HSPA4L: variants seen among roughly 807,000 people sequenced by gnomAD.
The protein encoded by HSPA4L is heat shock protein family A (Hsp70) member 4 like.
HSPA4L carries 48 observed loss-of-function variants against 100.3 expected under a neutral mutation model. The ratio of observed to expected loss-of-function variants is 0.48; its 90% CI spans 0.38 to 0.61. HSPA4L has a LOEUF of 0.61. Ranked by LOEUF, HSPA4L falls within the 20% of genes least tolerant of loss-of-function variation. HSPA4L has a pLI of 0.00. For synonymous variants in HSPA4L, 319 were observed against 328.2 expected, an observed-to-expected ratio of 0.97 and a Z score of 0.30; for missense variants, 886 against 988.6, an observed-to-expected ratio of 0.90 and a Z score of 1.39.
chr4:127,823,144 AT>A (rs913473260), intron 15 of HSPA4L, among the ~76,000 whole-genome samples: 5 of 150,384 alleles, frequency 3.3e-5, no homozygotes, highest in East Asian at 1.9e-4. Context: ...ATGATTTTTA[AT>A]TTTTTTTTTA....
rs1035119829 is a variant in HSPA4L at position 127,836,229 on chromosome 4, T to C, written c.*3355T>C. On this transcript the variant is annotated 3_prime_UTR_variant, in exon 19 of 19. Transcript: ENST00000296464. Reference sequence around the variant, plus strand: ...AAAAATACAAAAAATTAGCTGGGCATGGTGGCGGGCGCCGGTAGTCCCAGC... The same window carrying C: ...AAAAATACAAAAAATTAGCTGGGCACGGTGGCGGGCGCCGGTAGTCCCAGC... 2 of 152,676 alleles carry C rather than the reference T, an allele frequency of 1.3e-5. No homozygotes were observed. The highest frequency in any genetic ancestry group is 2.4e-5 in the African/African-American group (1 of 41,392). The allele number at this position is 152,676 out of a possible 1,614,324, so 9.5% of individuals were successfully genotyped here. A position where few individuals can be genotyped will look rare whatever the true frequency, so the allele number is the denominator to read the frequency against.
Position 127,811,600 on chromosome 4 carries a change from A to G in HSPA4L, c.1542A>G (p.Thr514=), listed in dbSNP as rs766804269. The change falls in exon 12 of 19, where the codon ACA becomes ACG. Residue 514 remains threonine, a synonymous_variant. Coordinates refer to ENST00000296464, the MANE Select transcript of HSPA4L (RefSeq NM_014278.4). ...EGDHSDAPME[T]ETSFKNENKD... ...ATCACAGTGATGCTCCAATGGAGAC[A>G]GAAACTTCATTTAAAAATGAAAACA... 6.2e-7 allele frequency: 1 copy of G among 1,613,720 alleles called. No individual in the cohort carries two copies. The highest frequency in any genetic ancestry group is 1.7e-5 in the Admixed American group (1 of 59,996).
rs1232541738 is a variant in HSPA4L at position 127,835,718 on chromosome 4, A to G, written c.*2844A>G. Reference sequence around the variant, plus strand: ...ACTCCGTCTCAAAAAAAAAACAAAAATTCTTCCAAAAAACTAGAAAGAGCA... The same window carrying G: ...ACTCCGTCTCAAAAAAAAAACAAAAGTTCTTCCAAAAAACTAGAAAGAGCA... On this transcript the variant is annotated 3_prime_UTR_variant, in exon 19 of 19. Coordinates refer to ENST00000296464, the MANE Select transcript of HSPA4L (RefSeq NM_014278.4). The G allele has an allele frequency of 2.6e-5, 4 of 151,684 alleles. No homozygotes were observed. Among genetic ancestry groups the G allele is most frequent in the African/African-American group, 9.7e-5 (4 of 41,242 alleles). 9.4% of individuals were successfully genotyped at this position (151,684 alleles called of 1,614,324 possible). A position where few individuals can be genotyped will look rare whatever the true frequency, so the allele number is the denominator to read the frequency against.
chr4:127,801,278 C>G, intron 5 of HSPA4L, 41 bp downstream of exon 5: 2 of 1,353,084 alleles, frequency 1.5e-6, no homozygotes, highest in Non-Finnish European at 1.0e-6. Flanking sequence ...AAGCAAAATA[C>G]TGTTCTAGTT....
chr4:127,818,061 G>C (rs1040879118), intron 12 of HSPA4L, among the ~76,000 whole-genome samples: 1 of 151,102 alleles, frequency 6.6e-6, no homozygotes. Flanking sequence ...TGTAAATTTG[G>C]CTTGAGAACA....
chr4:127,813,678 T>C (rs1289473520), intron 12 of HSPA4L, among the ~76,000 whole-genome samples: 2 of 152,366 alleles, frequency 1.3e-5, no homozygotes, highest in Admixed American at 1.3e-4. Flanking sequence ...AGTCTCGCTC[T>C]GTTGCCCAGG....
chr4:127,806,110 C>T (rs1227070068), intron 10 of HSPA4L, among the ~76,000 whole-genome samples: 1 of 151,950 alleles, frequency 6.6e-6, no homozygotes, highest in Non-Finnish European at 1.5e-5. Flanking sequence ...GCTAGTTTAT[C>T]TGTCCAGTCA....
At position 127,835,449 on chromosome 4, in the gene HSPA4L, C is replaced by T. The variant is rs1003758083; in HGVS notation, c.*2575C>T. On this transcript the variant is annotated 3_prime_UTR_variant, in exon 19 of 19. Coordinates refer to ENST00000296464, the MANE Select transcript of HSPA4L (RefSeq NM_014278.4). ...AGGCGCTGTGGCTCACGCCTGTAAT[C>T]CTAGCACTTTGGGAGGCCAAGGCAG... is the stretch of plus-strand genomic sequence containing the variant. The T allele has an allele frequency of 6.6e-6, 1 of 152,220 alleles. No homozygotes were observed. The highest frequency in any genetic ancestry group is 1.5e-5 in the Non-Finnish European group (1 of 68,044). The allele number at this position is 152,220 out of a possible 1,614,324, so 9.4% of individuals were successfully genotyped here.
chr4:127,783,374 G>C (rs1264578180), intron 1 of HSPA4L: 1 of 389,004 alleles, frequency 2.6e-6, no homozygotes. Context: ...GGCGGGGTTG[G>C]GTCGGACCAA....
At chr4:127,801,314 ATT>A in intron 5 of HSPA4L, 77 bp downstream of exon 5, 6 of 1,053,130 alleles carry the variant, frequency 5.7e-6, no homozygotes, top group East Asian at 2.7e-5. Context: ...ACAAAGCATT[ATT>A]TTTTTTTAAC....
At chr4:127,783,076 C>T (rs532821793) in intron 1 of HSPA4L, among the ~76,000 whole-genome samples, 127 of 152,294 alleles carry the variant, frequency 8.3e-4, no homozygotes, top group African/African-American at 3.1e-3. Flanking sequence ...TGCCCTCCTT[C>T]CTTTCCCCGT....
chr4:127,803,643 C>T lies in HSPA4L; in HGVS notation c.678C>T (p.Thr226=). 6.2e-7 allele frequency: 1 copy of T among 1,612,886 alleles called. No homozygotes were observed. Among genetic ancestry groups the T allele is most frequent in the Non-Finnish European group, 8.5e-7 (1 of 1,179,564 alleles). Residue 226 remains threonine, a synonymous_variant, in exon 7 of 19, where the codon ACC becomes ACT. Transcript: ENST00000296464. ...CAATTAAACAGGTCTTGGCTACTACCTTTGATCCATATTTGGGTGGCAGGA... is the reference window on the plus strand; with the variant it reads ...CAATTAAACAGGTCTTGGCTACTACTTTTGATCCATATTTGGGTGGCAGGA... ...NKGKLKVLAT[T]FDPYLGGRNF... is the part of the protein sequence containing the mutation.
chr4:127,831,187 C>A (rs1216222606), intron 18 of HSPA4L, among the ~76,000 whole-genome samples: 1 of 151,956 alleles, frequency 6.6e-6, no homozygotes, highest in East Asian at 1.9e-4. Flanking sequence ...ATAAACTTTT[C>A]AATTTAAAAA....
At chr4:127,815,409 G>A (rs927407800) in intron 12 of HSPA4L, among the ~76,000 whole-genome samples, 2 of 151,870 alleles carry the variant, frequency 1.3e-5, no homozygotes, top group Non-Finnish European at 2.9e-5. Flanking sequence ...TCAAGCCCCG[G>A]GTACTTTGGT....
chr4:127,809,177 C>G (rs1733455793), intron 11 of HSPA4L: 1 of 977,716 alleles, frequency 1.0e-6, no homozygotes, highest in Non-Finnish European at 1.6e-6. Context: ...AAAATTGCAT[C>G]AAACTCTTCA....
At chr4:127,824,136 C>T (rs1034798737) in intron 16 of HSPA4L, among the ~76,000 whole-genome samples, 3 of 152,126 alleles carry the variant, frequency 2.0e-5, no homozygotes, top group Admixed American at 1.3e-4. Flanking sequence ...AGCATAATGT[C>T]CTCCAGGTTC....
In HSPA4L at chr4:127,787,637, C is replaced by T. The variant is rs527611935; in HGVS notation, c.107+4980C>T. 5.9e-5 allele frequency among the ~76,000 whole-genome samples: 9 copies of T among 152,226 alleles called. No homozygotes were observed. The South Asian group carries it at 1.9e-3, about 32-fold the overall frequency. ...CTCAAAATATTGTGGACATCTCAAA[C>T]TTATGGCTCTAATTTACTTCATTCT... On this transcript the variant is annotated intron_variant, in intron 1 of 18. Coordinates refer to ENST00000296464, the MANE Select transcript of HSPA4L (RefSeq NM_014278.4).
chr4:127,783,399 A>G, intron 1 of HSPA4L: 2 of 943,920 alleles, frequency 2.1e-6, no homozygotes, highest in Non-Finnish European at 1.4e-6. Context: ...GTGTTTCTGC[A>G]GAGTGAATTG....
At chr4:127,823,016 T>C in intron 15 of HSPA4L, 122 bp downstream of exon 15, 2 of 848,728 alleles carry the variant, frequency 2.4e-6, no homozygotes, top group Non-Finnish European at 3.5e-6. Context: ...TGGGCCCATA[T>C]GGGGAAGGTT....
Sources: allele counts gnomAD v4.1 joint callset (sites outside exome capture counted in the v4.1 genomes callset), GRCh38; gene constraint gnomAD v4.1.1; transcripts MANE v1.5; gene names NCBI Gene and HGNC (gene_info 2026-07-23, HGNC 2026-07-21).